GRIK4: variants seen among roughly 807,000 people sequenced by gnomAD.
The protein encoded by GRIK4 is glutamate ionotropic receptor kainate type subunit 4, also known as glutamate receptor ionotropic, kainate 4.
Under a neutral mutation model 104.9 loss-of-function variants are expected in GRIK4, and 40 were observed. That is an observed-to-expected ratio of 0.38 (90% confidence interval 0.30 to 0.50). GRIK4 has a LOEUF of 0.50. Ranked by LOEUF, GRIK4 falls within the 20% of genes least tolerant of loss-of-function variation. The probability of loss-of-function intolerance (pLI) is 0.93; values close to 1 mark genes in which losing one functional copy is unlikely to be tolerated. For synonymous variants in GRIK4, 485 were observed against 524.9 expected (o/e 0.92, Z 1.04); for missense variants, 1,047 against 1,308.1 (o/e 0.80, Z 3.08).
chr11:120,920,338 C>A (rs1323263122), intron 13 of GRIK4, among the ~76,000 whole-genome samples: 1 of 152,174 alleles, frequency 6.6e-6, no homozygotes, highest in African/African-American at 2.4e-5. Flanking sequence ...TTCACCTCCT[C>A]TTCTGGCCTG....
At chr11:120,694,141 G>A (rs1391789159) in intron 3 of GRIK4, among the ~76,000 whole-genome samples, 1 of 152,188 alleles carries the variant, frequency 6.6e-6, no homozygotes, top group Non-Finnish European at 1.5e-5. Context: ...GGATGCATAG[G>A]CCTAAAGCAT....
chr11:120,540,003 A>G (rs1400451980), intron 1 of GRIK4, among the ~76,000 whole-genome samples: 1 of 152,114 alleles, frequency 6.6e-6, no homozygotes, highest in Non-Finnish European at 1.5e-5. Flanking sequence ...TTGGACCAAG[A>G]AGGGAGTGTT....
At chr11:120,698,622 C>T (rs997022752) in intron 3 of GRIK4, among the ~76,000 whole-genome samples, 19 of 152,220 alleles carry the variant, frequency 1.2e-4, no homozygotes, top group Admixed American at 5.9e-4. Context: ...TCTTTGAAAG[C>T]GATTTTGCCT....
At chr11:120,876,856 A>T (rs1026639673) in intron 11 of GRIK4, among the ~76,000 whole-genome samples, 1 of 152,204 alleles carries the variant, frequency 6.6e-6, no homozygotes, top group Non-Finnish European at 1.5e-5. Context: ...AGGCCCCGGG[A>T]ACTGATGCAG....
chr11:120,796,774 G>A (rs1031018749), intron 3 of GRIK4, among the ~76,000 whole-genome samples: 2 of 152,056 alleles, frequency 1.3e-5, no homozygotes, highest in African/African-American at 4.8e-5. Context: ...AGACTCAACA[G>A]GGACAGCTCT....
At chr11:120,923,711 C>A (rs1448678361) in intron 13 of GRIK4, among the ~76,000 whole-genome samples, 1 of 152,144 alleles carries the variant, frequency 6.6e-6, no homozygotes, top group Non-Finnish European at 1.5e-5. Flanking sequence ...CTGCGCCCGG[C>A]CCCATTCGCT....
At chr11:120,625,764 C>A (rs1363574761) in intron 1 of GRIK4, among the ~76,000 whole-genome samples, 1 of 151,698 alleles carries the variant, frequency 6.6e-6, no homozygotes. Context: ...GGGCAGCTGG[C>A]TGGGTGAATC....
intron 3 of GRIK4, among the ~76,000 whole-genome samples, chr11:120,700,838 C>T (rs910546300): frequency 1.3e-5 from 2 of 152,110 alleles, no homozygotes; most frequent in Admixed American, 6.5e-5. Context: ...GGGATCCGTC[C>T]GCCTCAGCCT....
chr11:120,958,957 G>A (rs1221039721), intron 16 of GRIK4, among the ~76,000 whole-genome samples: 1 of 152,188 alleles, frequency 6.6e-6, no homozygotes, highest in East Asian at 1.9e-4. Context: ...AGGGAGAGCA[G>A]ACCTTGGGCA....
At position 120,819,851 on chromosome 11, in the gene GRIK4, G is replaced by C. The variant is rs147686863; in HGVS notation, c.442G>C (p.Val148Leu). Residue 148 changes from valine (V) to leucine (L), a missense_variant, in exon 6 of 21, where the codon GTG (valine) becomes CTG (leucine). Around this residue, in one of 3 missense-constraint regions of GRIK4, gnomAD observed 447 missense variants for 514.9 expected, o/e 0.87. Transcript: ENST00000527524. The surrounding 1 kb of genome is among the most constrained non-coding windows in gnomAD (Gnocchi z 4.3). ...NLHPSNTDIS[V>L]AVAGILNFFN... is the part of the protein sequence containing the mutation. ...CCACCCCAGCAACACTGACATCAGC[G>C]TGGCTGTAGCTGGGATCCTGAACTT... 7 of 1,613,984 alleles carry C rather than the reference G, an allele frequency of 4.3e-6. No homozygotes were observed. In the Admixed American group the frequency reaches 1.0e-4, roughly 23 times the overall value.
At chr11:120,715,880 G>T (rs1950822861) in intron 3 of GRIK4, among the ~76,000 whole-genome samples, 1 of 152,002 alleles carries the variant, frequency 6.6e-6, no homozygotes, top group Admixed American at 6.6e-5. Flanking sequence ...TAATTTAAAT[G>T]AATTAAACAT....
chr11:120,590,880 T>C (rs185516699), intron 1 of GRIK4, among the ~76,000 whole-genome samples: 223 of 152,274 alleles, frequency 1.5e-3, no homozygotes, highest in Non-Finnish European at 2.6e-3. Flanking sequence ...GCAGGTTAAA[T>C]GAAGCTGTTG....
chr11:120,578,379 G>C (rs535853947), intron 1 of GRIK4, among the ~76,000 whole-genome samples: 69 of 152,288 alleles, frequency 4.5e-4, no homozygotes, highest in African/African-American at 1.6e-3. Flanking sequence ...CAAGAAGCTG[G>C]AGTTTAGAGC....
At chr11:120,634,343 A>G (rs1439697084) in intron 1 of GRIK4, among the ~76,000 whole-genome samples, 1 of 152,034 alleles carries the variant, frequency 6.6e-6, no homozygotes, top group Non-Finnish European at 1.5e-5. Flanking sequence ...TCTGCAGCAA[A>G]CAGGAGGCGG....
chr11:120,868,530 T>TGGGGGG (rs11342073), intron 9 of GRIK4: 3 of 105,476 alleles, frequency 2.8e-5, no homozygotes, highest in Admixed American at 9.7e-5. Flanking sequence ...GGGGTGGAAA[T>TGGGGGG]GGGGGGGGGG....
intron 19 of GRIK4, among the ~76,000 whole-genome samples, chr11:120,979,606 G>A (rs187720396): frequency 8.5e-5 from 13 of 152,290 alleles, no homozygotes; most frequent in Admixed American, 8.5e-4. Flanking sequence ...GAGAGAGTAA[G>A]GAGAATTTCT....
At chr11:120,583,640 G>A (rs943592531) in intron 1 of GRIK4, among the ~76,000 whole-genome samples, 1 of 152,194 alleles carries the variant, frequency 6.6e-6, no homozygotes, top group African/African-American at 2.4e-5. Flanking sequence ...TTGAAGTCAG[G>A]TAACAGGATG....
chr11:120,571,764 G>C (rs1351655142), intron 1 of GRIK4, among the ~76,000 whole-genome samples: 1 of 152,100 alleles, frequency 6.6e-6, no homozygotes, highest in Non-Finnish European at 1.5e-5. Context: ...CCTAGACTAT[G>C]TCTAGGGCCT....
intron 7 of GRIK4, among the ~76,000 whole-genome samples, chr11:120,833,234 C>T (rs548008199): frequency 7.9e-5 from 12 of 152,192 alleles, no homozygotes; most frequent in East Asian, 5.8e-4. Flanking sequence ...TGTCTGTGTG[C>T]GTATACCCAA....
Sources: gnomAD v4.1 joint callset for allele counts (sites outside exome capture counted in the v4.1 genomes callset) on GRCh38, gnomAD v4.1.1 for gene constraint, gnomAD v4.1.1 regional missense constraint, Gnocchi (gnomAD v3.1) non-coding constraint, MANE v1.5 for transcripts, NCBI Gene and HGNC (gene_info 2026-07-23, HGNC 2026-07-21) for gene names.